MAP1LC3B2: variants seen among roughly 807,000 people sequenced by gnomAD.
The protein encoded by MAP1LC3B2 is microtubule associated protein 1 light chain 3 beta 2.
For missense variants in MAP1LC3B2, 155 were observed against 154.6 expected, an observed-to-expected ratio of 1.00 and a Z score of -0.01; for synonymous variants, 62 against 57.8, an observed-to-expected ratio of 1.07 and a Z score of -0.33.
chr12:116,567,605 A>G (rs1869422402), intron 1 of MAP1LC3B2, among the ~76,000 whole-genome samples: 1 of 151,822 alleles, frequency 6.6e-6, no homozygotes, highest in Non-Finnish European at 1.5e-5. Context: ...AAAATCAGCC[A>G]GGTGTGGTGG....
chr12:116,576,436 T>A lies in MAP1LC3B2; in HGVS notation c.*116T>A. The A allele has an allele frequency of 1.4e-6, 2 of 1,450,430 alleles. No homozygotes were observed. The highest frequency in any genetic ancestry group is 1.9e-6 in the Non-Finnish European group (2 of 1,074,226). The allele number at this position is 1,450,430 out of a possible 1,614,324, so 89.8% of individuals were successfully genotyped here. On this transcript the variant is annotated 3_prime_UTR_variant, in exon 2 of 2. Transcript: ENST00000556529. ...CTAATCACAGATCATCAAACAGTAG[T>A]GTTCCCACCTAGGAGTGTTAGGAAG...
chr12:116,574,101 T>A (rs568435999), intron 1 of MAP1LC3B2, among the ~76,000 whole-genome samples: 1 of 152,272 alleles, frequency 6.6e-6, no homozygotes, highest in South Asian at 2.1e-4. Context: ...TATTATAACG[T>A]GGTGGAAAAT....
chr12:116,559,701 C>T (rs952286804), intron 1 of MAP1LC3B2, among the ~76,000 whole-genome samples: 2 of 152,172 alleles, frequency 1.3e-5, no homozygotes, highest in Non-Finnish European at 2.9e-5. Context: ...GAGTCCTTTC[C>T]AGAATTTATC....
chr12:116,565,482 T>C (rs1167733808), intron 1 of MAP1LC3B2, among the ~76,000 whole-genome samples: 1 of 152,218 alleles, frequency 6.6e-6, no homozygotes, highest in Non-Finnish European at 1.5e-5. Flanking sequence ...GCCCCCATGA[T>C]TCAGTTATCT....
intron 1 of MAP1LC3B2, among the ~76,000 whole-genome samples, chr12:116,561,515 G>A (rs946424579): frequency 2.6e-4 from 39 of 152,184 alleles, no homozygotes; most frequent in African/African-American, 1.9e-4. Context: ...CGTGGACACC[G>A]AGTTTCCCTT....
intron 1 of MAP1LC3B2, among the ~76,000 whole-genome samples, chr12:116,570,780 C>G (rs56382468): frequency 0.37 from 56,907 of 151,986 alleles, 12,148 homozygotes; most frequent in Non-Finnish European, 0.48. Context: ...AAGTAATACT[C>G]TAGGCTAAGC....
chr12:116,570,711 C>A (rs750632274), intron 1 of MAP1LC3B2, among the ~76,000 whole-genome samples: 9 of 152,152 alleles, frequency 5.9e-5, no homozygotes, highest in Non-Finnish European at 8.8e-5. Flanking sequence ...CCACGTGGAA[C>A]CTCTTTTCTT....
At chr12:116,564,968 A>C (rs1467854423) in intron 1 of MAP1LC3B2, among the ~76,000 whole-genome samples, 1 of 152,116 alleles carries the variant, frequency 6.6e-6, no homozygotes, top group East Asian at 1.9e-4. Flanking sequence ...TCTGAAAAAC[A>C]ATTGTTTTAT....
intron 1 of MAP1LC3B2, among the ~76,000 whole-genome samples, chr12:116,571,760 C>T (rs1040086824): frequency 1.3e-5 from 2 of 151,902 alleles, no homozygotes; most frequent in Admixed American, 6.6e-5. Context: ...GGATTACAGA[C>T]GTAAGCCACC....
intron 1 of MAP1LC3B2, among the ~76,000 whole-genome samples, chr12:116,567,279 G>A (rs1463746971): frequency 6.6e-6 from 1 of 151,926 alleles, no homozygotes; most frequent in Non-Finnish European, 1.5e-5. Flanking sequence ...TCCACCCTCA[G>A]GTTCTCAACT....
At chr12:116,564,627 G>C (rs1393985931) in intron 1 of MAP1LC3B2, among the ~76,000 whole-genome samples, 1 of 152,168 alleles carries the variant, frequency 6.6e-6, no homozygotes, top group Non-Finnish European at 1.5e-5. Context: ...GCAGTTCCTT[G>C]ACAGTCTTGT....
At chr12:116,566,930 CAAAAAAAAAAAAAAAAAAAAA>C (rs56405000) in intron 1 of MAP1LC3B2, among the ~76,000 whole-genome samples, 25 of 26,760 alleles carry the variant, frequency 9.3e-4, no homozygotes, top group Non-Finnish European at 1.5e-3. Flanking sequence ...GACTCTGTCT[CAAAAAAAAAAAAAAAAAAAAA>C]AAAAAAAAAA....
At chr12:116,569,895 A>G (rs1869485388) in intron 1 of MAP1LC3B2, among the ~76,000 whole-genome samples, 1 of 151,958 alleles carries the variant, frequency 6.6e-6, no homozygotes, top group African/African-American at 2.4e-5. Flanking sequence ...CTCTACTAAA[A>G]ATACAAAAAT....
chr12:116,561,440 C>T (rs908879500), intron 1 of MAP1LC3B2, among the ~76,000 whole-genome samples: 7 of 152,132 alleles, frequency 4.6e-5, no homozygotes, highest in African/African-American at 1.7e-4. Context: ...TTCTGTTTAC[C>T]AGGTCCTCCC....
At chr12:116,566,930 C>A (rs77687846) in intron 1 of MAP1LC3B2, among the ~76,000 whole-genome samples, 16 of 26,726 alleles carry the variant, frequency 6.0e-4, no homozygotes, top group South Asian at 2.9e-3. Flanking sequence ...GACTCTGTCT[C>A]AAAAAAAAAA....
chr12:116,569,249 T>C (rs1480856556), intron 1 of MAP1LC3B2, among the ~76,000 whole-genome samples: 4 of 152,122 alleles, frequency 2.6e-5, no homozygotes, highest in Non-Finnish European at 2.9e-5. Context: ...ACTAAGACAA[T>C]TGCTCACTCA....
chr12:116,560,904 G>A (rs1242769034), intron 1 of MAP1LC3B2, among the ~76,000 whole-genome samples: 1 of 151,520 alleles, frequency 6.6e-6, no homozygotes, highest in African/African-American at 2.4e-5. Context: ...GTCACTTGAG[G>A]CCAGGAGTTC....
intron 1 of MAP1LC3B2, among the ~76,000 whole-genome samples, chr12:116,573,859 A>G (rs1869604873): frequency 6.6e-6 from 1 of 152,252 alleles, no homozygotes; most frequent in South Asian, 2.1e-4. Context: ...CCAATAGCCC[A>G]GGCAAAACAT....
chr12:116,572,855 AGGG>A (rs1346572395), intron 1 of MAP1LC3B2, among the ~76,000 whole-genome samples: 1 of 152,218 alleles, frequency 6.6e-6, no homozygotes, highest in Non-Finnish European at 1.5e-5. Flanking sequence ...AGAGGCTGCT[AGGG>A]AGGGATGGAG....
Sources: allele counts gnomAD v4.1 joint callset (sites outside exome capture counted in the v4.1 genomes callset), GRCh38; gene constraint gnomAD v4.1.1; transcripts MANE v1.5; gene names NCBI Gene and HGNC (gene_info 2026-07-23, HGNC 2026-07-21).